The following COL6A3 variants were observed in gnomAD, a reference collection of about 807,000 sequenced individuals.
COL6A3 encodes the protein collagen alpha-3(VI) chain.
COL6A3 carries 137 observed loss-of-function variants against 274.1 expected under a neutral mutation model. The observed-to-expected ratio is 0.50, with a 90% CI of 0.44 to 0.58. COL6A3 has a LOEUF of 0.58. COL6A3 is among the 20% of genes least tolerant of loss of function. The probability of loss-of-function intolerance (pLI) is 0.00; values close to 1 mark genes in which losing one functional copy is unlikely to be tolerated. For synonymous variants in COL6A3, 1,650 were observed against 1,650.6 expected (o/e 1.00, Z 0.01); for missense variants, 3,950 against 4,124.9 (o/e 0.96, Z 1.16).
Position 237,361,928 on chromosome 2 carries a change from GT to G in COL6A3, c.6064-98del. 9.6e-7 allele frequency: 1 copy of G among 1,041,876 alleles called. No homozygotes were observed. The highest frequency in any genetic ancestry group is 1.5e-6 in the Non-Finnish European group (1 of 668,098). 64.5% of individuals were successfully genotyped at this position (1,041,876 alleles called of 1,614,324 possible). ...AAGGGTCAAAATCGGATGTGTGGGG[GT>G]TTCACGGTGTGAGATGAAGTCCCTC... On this transcript the variant is annotated intron_variant, in intron 14 of 43. Transcript: ENST00000295550. This position sits in a 1 kb window ranked among gnomAD's most constrained non-coding sequence, Gnocchi z 5.1.
chr2:237,366,586 A>G (rs759567603), intron 11 of COL6A3, 101 bp downstream of exon 11: 1 of 1,581,676 alleles, frequency 6.3e-7, no homozygotes, highest in Non-Finnish European at 8.7e-7. Context: ...GAAGCAACCA[A>G]ATGCCTAAGG....
At chr2:237,403,128 T>A (rs981751595) in intron 1 of COL6A3, among the ~76,000 whole-genome samples, 3 of 152,042 alleles carry the variant, frequency 2.0e-5, no homozygotes, top group African/African-American at 7.2e-5. Context: ...AGGAGCTAAG[T>A]GGGTGCAAAG....
At chr2:237,390,151 C>T (rs1204304235) in intron 3 of COL6A3, among the ~76,000 whole-genome samples, 1 of 152,204 alleles carries the variant, frequency 6.6e-6, no homozygotes, top group Non-Finnish European at 1.5e-5. Flanking sequence ...TAAATATGAT[C>T]AATACAGTCA....
In COL6A3 at chr2:237,377,097, G is replaced by A. The variant is rs749992393; in HGVS notation, c.2745C>T (p.Asn915=). Residue 915 remains asparagine, a synonymous_variant, in exon 7 of 44, where the codon AAC becomes AAT. Transcript: ENST00000295550. The stretch of plus-strand genomic sequence containing the variant: ...GTGCATAGTCCAGCGCGTAGCCCAG[G>A]TTGAGGGCTTTGCCCGTCTTGATCT... ...RMKIKTGKAL[N]LGYALDYAQR... 2.8e-5 allele frequency: 46 copies of A among 1,614,088 alleles called. No individual in the cohort carries two copies. Among genetic ancestry groups the A allele is most frequent in the Middle Eastern group, 1.6e-4 (1 of 6,084 alleles).
chr2:237,377,958 A>G (rs953515726), intron 6 of COL6A3, among the ~76,000 whole-genome samples: 1 of 152,256 alleles, frequency 6.6e-6, no homozygotes, highest in South Asian at 2.1e-4. Context: ...GACAGGCCCT[A>G]TGGCACCGCA....
chr2:237,358,221 A>T (rs1246169726), intron 21 of COL6A3, among the ~76,000 whole-genome samples: 1 of 152,224 alleles, frequency 6.6e-6, no homozygotes, highest in East Asian at 1.9e-4. Flanking sequence ...TTACAGAGAC[A>T]CAAAATGAGA....
In COL6A3 at chr2:237,381,138, A is replaced by G; in HGVS notation, c.1674T>C (p.Gly558=). 1 of 1,614,170 alleles carries G rather than the reference A, an allele frequency of 6.2e-7. No individual in the cohort carries two copies. Among genetic ancestry groups the G allele is most frequent in the African/African-American group, 1.3e-5 (1 of 75,040 alleles). The change falls in exon 5 of 44, where the codon GGT becomes GGC. Residue 558 remains glycine, a synonymous_variant. Transcript: ENST00000295550. ...GGCTGATTTCATCTAGGGACTTACCACCTGTGATCAGCACCAAAAGCTTAG... is the reference window on the plus strand; with the variant it reads ...GGCTGATTTCATCTAGGGACTTACCGCCTGTGATCAGCACCAAAAGCTTAG... ...GIPKLLVLIT[G]GKSLDEISQP...
chr2:237,339,241 A>G, intron 38 of COL6A3, 124 bp from the exon 39 acceptor site: 1 of 742,560 alleles, frequency 1.3e-6, no homozygotes, highest in Non-Finnish European at 2.3e-6. Flanking sequence ...TTGTTGAATT[A>G]ACTATATCAG....
rs73998886 is a variant in COL6A3, at chr2:237,355,341, C to T, written c.6592-407G>A. The T allele has an allele frequency of 6.2e-3, 1,087 of 175,052 alleles. 17 individuals carry two copies. The highest frequency in any genetic ancestry group is 0.024 in the African/African-American group (1,043 of 42,596). The allele number at this position is 175,052 out of a possible 1,614,324, so 10.8% of individuals were successfully genotyped here. On this transcript the variant is annotated intron_variant, in intron 23 of 43. Transcript: ENST00000295550. ...AACTGTACTGAGAAGTCATGAAATA[C>T]ATTAATTATAATGGAAGGGAGTCCC...
Position 237,344,259 on chromosome 2 carries a change from A to G in COL6A3, c.7668+91T>C, listed in dbSNP as rs1483041125. ...GGGGACGTTTTAGGAGCTATGGGAC[A>G]TGAAGCCACAAAGGAGCATGGACGT... On this transcript the variant is annotated intron_variant, in intron 36 of 43. Coordinates refer to ENST00000295550, the MANE Select transcript of COL6A3 (RefSeq NM_004369.4). The surrounding 1 kb of genome is among the most constrained non-coding windows in gnomAD (Gnocchi z 4.8). The G allele has an allele frequency of 6.3e-7, 1 of 1,595,760 alleles. No individual in the cohort carries two copies. The highest frequency in any genetic ancestry group is 1.1e-5 in the South Asian group (1 of 90,118).
intron 37 of COL6A3, among the ~76,000 whole-genome samples, chr2:237,341,459 G>A (rs1176299554): frequency 2.0e-5 from 3 of 147,508 alleles, no homozygotes; most frequent in African/African-American, 5.1e-5. Context: ...CAGGAGAATC[G>A]CTTGAACCCA....
intron 7 of COL6A3, among the ~76,000 whole-genome samples, 154 bp downstream of exon 7, chr2:237,376,618 T>C (rs1282826315): frequency 6.6e-6 from 1 of 152,204 alleles, no homozygotes; most frequent in Non-Finnish European, 1.5e-5. Flanking sequence ...TCTCATATTC[T>C]ATTGTTCCTG....
intron 41 of COL6A3, among the ~76,000 whole-genome samples, chr2:237,334,327 G>A (rs576699336): frequency 1.4e-4 from 21 of 152,262 alleles, no homozygotes; most frequent in African/African-American, 4.1e-4. Flanking sequence ...CATCTTTCCC[G>A]GGTGCAATGT....
At chr2:237,394,405 C>T (rs937380725) in intron 3 of COL6A3, among the ~76,000 whole-genome samples, 182 bp downstream of exon 3, 3 of 152,172 alleles carry the variant, frequency 2.0e-5, no homozygotes, top group Admixed American at 2.0e-4. Flanking sequence ...TAGGTGAATG[C>T]CCTACTTGGG....
At position 237,345,060 on chromosome 2, in the gene COL6A3, C is replaced by A; in HGVS notation, c.7160G>T (p.Cys2387Phe). The stretch of plus-strand genomic sequence containing the variant: ...ACAACAGAAAATCATGTACTTACGG[C>A]ATTTATCTTTGATGCTTTGGATGAG... ...CALIQSIKDKCPCCYGPLECP... is the reference protein window; with the variant it reads ...CALIQSIKDKFPCCYGPLECP... Residue 2387 changes from cysteine (C) to phenylalanine (F), a missense_variant and splice_region_variant, in exon 34 of 44, where the codon TGC (cysteine) becomes TTC (phenylalanine). Cys to Phe is a radical substitution (Grantham distance 205, BLOSUM62 -2). Transcript: ENST00000295550. The A allele has an allele frequency of 6.2e-7, 1 of 1,614,100 alleles. No individual in the cohort carries two copies. The highest frequency in any genetic ancestry group is 1.1e-5 in the South Asian group (1 of 91,078).
At chr2:237,334,459 G>T (rs549983488) in intron 41 of COL6A3, among the ~76,000 whole-genome samples, 167 bp downstream of exon 41, 35 of 152,308 alleles carry the variant, frequency 2.3e-4, no homozygotes, top group African/African-American at 6.7e-4. Flanking sequence ...ATAAGCTTAG[G>T]CTGCCACCAA....
chr2:237,372,116 G>A lies in COL6A3; in HGVS notation c.3901C>T (p.Arg1301Trp), dbSNP rs150430813. ...SKDEVQNAVQ[R>W]LRPKGGRQIN... Reference sequence around the variant, plus strand: ...TGCCGCCCTCCCTTGGGCCTCAGCCGCTGCACCGCGTTCTGCACTTCATCC... The same window carrying A: ...TGCCGCCCTCCCTTGGGCCTCAGCCACTGCACCGCGTTCTGCACTTCATCC... Residue 1301 changes from arginine to tryptophan, a missense_variant, in exon 9 of 44, where the codon CGG becomes TGG. By Grantham distance (101) the Arg-to-Trp change is moderately radical (BLOSUM62 -3). Transcript: ENST00000295550. 6.4e-5 allele frequency: 104 copies of A among 1,613,872 alleles called. No homozygotes were observed. Among genetic ancestry groups the A allele is most frequent in the South Asian group, 5.5e-5 (5 of 91,080 alleles).
At chr2:237,349,695 T>C (rs542312620) in intron 28 of COL6A3, among the ~76,000 whole-genome samples, 3 of 152,316 alleles carry the variant, frequency 2.0e-5, no homozygotes, top group Non-Finnish European at 4.4e-5. Flanking sequence ...AAAAAACGAG[T>C]TACTGAGGTA....
intron 1 of COL6A3, among the ~76,000 whole-genome samples, chr2:237,411,490 C>T (rs1401059509): frequency 6.6e-6 from 1 of 152,280 alleles, no homozygotes; most frequent in Non-Finnish European, 1.5e-5. Context: ...CCAAAGAAGG[C>T]GGTCTTGTTT....
Sources: allele counts gnomAD v4.1 joint callset (sites outside exome capture counted in the v4.1 genomes callset), GRCh38; gene constraint gnomAD v4.1.1; non-coding constraint Gnocchi (gnomAD v3.1); transcripts MANE v1.5; gene names NCBI Gene and HGNC (gene_info 2026-07-23, HGNC 2026-07-21).